Variants in ADAM11 observed in about 807,000 individuals in gnomAD.
ADAM11 encodes the protein disintegrin and metalloproteinase domain-containing protein 11.
Under a neutral mutation model 119.1 loss-of-function variants are expected in ADAM11, and 49 were observed. That is an observed-to-expected ratio of 0.41 (90% CI 0.33 to 0.52). ADAM11 has a LOEUF of 0.52. Among genes scored for constraint, ADAM11 ranks in the 20% least tolerant of loss-of-function variants. The pLI is 0.20. For synonymous variants in ADAM11, 364 were observed against 408.0 expected, an observed-to-expected ratio of 0.89 and a Z score of 1.30; for missense variants, 777 against 1,047.5, an observed-to-expected ratio of 0.74 and a Z score of 3.56.
chr17:44,776,334 C>T lies in ADAM11; in HGVS notation c.1566+127C>T. ...ACAGCTGGCATCGACCTCCACTGAT[C>T]AGACTGTTTTCTTATCTGAGAAAGG... On this transcript the variant is annotated intron_variant, in intron 18 of 26. Transcript: ENST00000200557. This position sits in a 1 kb window ranked among gnomAD's most constrained non-coding sequence, Gnocchi z 5.2. 1.0e-6 allele frequency: 1 copy of T among 956,272 alleles called. No homozygotes were observed. The highest frequency in any genetic ancestry group is 1.6e-6 in the Non-Finnish European group (1 of 625,812). 59.2% of individuals were successfully genotyped at this position (956,272 alleles called of 1,614,324 possible).
chr17:44,778,282 A>AG (rs754887830), intron 25 of ADAM11, 40 bp downstream of exon 25: 17 of 1,570,650 alleles, frequency 1.1e-5, no homozygotes, highest in Middle Eastern at 1.9e-4. Flanking sequence ...GGCATCCTTG[A>AG]GGGGGGATCA....
chr17:44,773,275 G>A lies in ADAM11; in HGVS notation c.840G>A (p.Gln280=), dbSNP rs756333782. The A allele has an allele frequency of 1.8e-5, 29 of 1,613,774 alleles. No homozygotes were observed. The highest frequency in any genetic ancestry group is 1.6e-4 in the Middle Eastern group (1 of 6,084). The change falls in exon 11 of 27, where the codon CAG becomes CAA. Residue 280 remains glutamine, a synonymous_variant. Transcript: ENST00000200557. The surrounding 1 kb of genome is among the most constrained non-coding windows in gnomAD (Gnocchi z 4.6). The part of the protein sequence containing the change: ...VNLADVIYKE[Q]LNTRIVLVAM... ...CTTCTCCCCAGATATACAAGGAGCA[G>A]CTCAACACTCGCATCGTCCTGGTTG...
In ADAM11 at chr17:44,769,700, T is replaced by G; in HGVS notation, c.238-18T>G. 1.5e-5 allele frequency: 20 copies of G among 1,358,830 alleles called. No homozygotes were observed. The highest frequency in any genetic ancestry group is 2.1e-5 in the Non-Finnish European group (20 of 947,924). 84.2% of individuals were successfully genotyped at this position (1,358,830 alleles called of 1,614,324 possible). ...GGCCTCCCTGGGTTGACTCCCCCTCTGCCCTCCCCCCACCCAGCCTGTCCA... is the reference window on the plus strand; with the variant it reads ...GGCCTCCCTGGGTTGACTCCCCCTCGGCCCTCCCCCCACCCAGCCTGTCCA... On this transcript the variant is annotated intron_variant, in intron 2 of 26. Transcript: ENST00000200557.
chr17:44,779,448 C>T lies in ADAM11; in HGVS notation c.2294+209C>T, dbSNP rs2049661139. The T allele has an allele frequency of 5.1e-6, 5 of 985,312 alleles. No homozygotes were observed. The African/African-American group carries it at 5.2e-5, about 10-fold the overall frequency. The allele number at this position is 985,312 out of a possible 1,614,324, so 61.0% of individuals were successfully genotyped here. On this transcript the variant is annotated intron_variant, in intron 26 of 26. Coordinates refer to ENST00000200557, the MANE Select transcript of ADAM11 (RefSeq NM_002390.6). Reference sequence around the variant, plus strand: ...CCAGCTGCCCTCGCCCTCGCCCGCTCAGGCCACGTCCTTCTCGACTGCCCT... The same window carrying T: ...CCAGCTGCCCTCGCCCTCGCCCGCTTAGGCCACGTCCTTCTCGACTGCCCT...
At position 44,769,701 on chromosome 17, in the gene ADAM11, G is replaced by GGGGGGCC; in HGVS notation, c.238-17_238-16insGGGGGCC. On this transcript the variant is annotated splice_polypyrimidine_tract_variant and intron_variant, in intron 2 of 26. Transcript: ENST00000200557. Reference sequence around the variant, plus strand: ...GCCTCCCTGGGTTGACTCCCCCTCTGCCCTCCCCCCACCCAGCCTGTCCAT... The same window carrying GGGGGGCC: ...GCCTCCCTGGGTTGACTCCCCCTCTGGGGGGCCCCCTCCCCCCACCCAGCCTGTCCAT... The GGGGGGCC allele has an allele frequency of 6.3e-7, 1 of 1,597,568 alleles. No individual in the cohort carries two copies. Among genetic ancestry groups the GGGGGGCC allele is most frequent in the Non-Finnish European group, 8.6e-7 (1 of 1,167,132 alleles).
rs190314178 is a variant in ADAM11, at chr17:44,776,730, C to A, written c.1567-15C>A. ...CCTGGGACTGCTCCGCTCAACCCCACCCCTCTCTCCACAGTGCCCGCCTAA... is the reference window on the plus strand; with the variant it reads ...CCTGGGACTGCTCCGCTCAACCCCAACCCTCTCTCCACAGTGCCCGCCTAA... On this transcript the variant is annotated splice_polypyrimidine_tract_variant and intron_variant, in intron 18 of 26. Transcript: ENST00000200557. This position sits in a 1 kb window ranked among gnomAD's most constrained non-coding sequence, Gnocchi z 5.2. 1 of 1,613,852 alleles carries A rather than the reference C, an allele frequency of 6.2e-7. No individual in the cohort carries two copies. The highest frequency in any genetic ancestry group is 8.5e-7 in the Non-Finnish European group (1 of 1,179,954).
chr17:44,765,456 C>T (rs1456865908), intron 2 of ADAM11, among the ~76,000 whole-genome samples: 1 of 152,132 alleles, frequency 6.6e-6, no homozygotes, highest in Non-Finnish European at 1.5e-5. Flanking sequence ...AGTAGGTGAT[C>T]CAAAGGAGTC....
At position 44,759,165 on chromosome 17, in the gene ADAM11, G is replaced by A. The variant is rs2145197980; in HGVS notation, c.-35G>A. 3.5e-6 allele frequency: 4 copies of A among 1,143,142 alleles called. No homozygotes were observed. Among genetic ancestry groups the A allele is most frequent in the African/African-American group, 3.4e-5 (2 of 59,072 alleles). The allele number at this position is 1,143,142 out of a possible 1,614,324, so 70.8% of individuals were successfully genotyped here. ...TCCCGCCCTCCCCGCGCCGCTGGCA[G>A]CCGCAGCCCCCGGACCGGGAGGAAT... On this transcript the variant is annotated 5_prime_UTR_variant, in exon 1 of 27. Transcript: ENST00000200557.
rs1314567880 is a variant in ADAM11 at position 44,761,151 on chromosome 17, C to T, written c.237+1254C>T. ...CTGGCTGTCTTGCCTGGTGTCACTC[C>T]CTACCTGTGAACTGTGCACCCCGTG... On this transcript the variant is annotated intron_variant, in intron 2 of 26. Coordinates refer to ENST00000200557, the MANE Select transcript of ADAM11 (RefSeq NM_002390.6). 2.7e-5 allele frequency among the ~76,000 whole-genome samples: 4 copies of T among 149,278 alleles called. No individual in the cohort carries two copies. The East Asian group carries it at 6.3e-4, about 23-fold the overall frequency.
chr17:44,773,125 C>G lies in ADAM11; in HGVS notation c.825+40C>G, dbSNP rs201078446. 285 of 1,421,542 alleles carry G rather than the reference C, an allele frequency of 2.0e-4. 2 individuals carry two copies. In the East Asian group the frequency reaches 3.0e-3, roughly 15 times the overall value. The allele number at this position is 1,421,542 out of a possible 1,614,324, so 88.1% of individuals were successfully genotyped here. A position where few individuals can be genotyped will look rare whatever the true frequency, so the allele number is the denominator to read the frequency against. ...CTCCCTCCCTTCCCTCCTCCTCATG[C>G]CCCCCACCCCACCACACACATTAGG... On this transcript the variant is annotated intron_variant, in intron 10 of 26. Transcript: ENST00000200557. This position sits in a 1 kb window ranked among gnomAD's most constrained non-coding sequence, Gnocchi z 4.6.
In ADAM11 at chr17:44,776,999, G is replaced by T. The variant is rs1223948985; in HGVS notation, c.1681+37G>T. ...TAGGGCTGGGAGTGGGGACTCCGGAGGACCCAGAGCTGAGAAGCTGGGGAG... is the reference window on the plus strand; with the variant it reads ...TAGGGCTGGGAGTGGGGACTCCGGATGACCCAGAGCTGAGAAGCTGGGGAG... On this transcript the variant is annotated intron_variant, in intron 20 of 26. Coordinates refer to ENST00000200557, the MANE Select transcript of ADAM11 (RefSeq NM_002390.6). This position sits in a 1 kb window ranked among gnomAD's most constrained non-coding sequence, Gnocchi z 5.2. 6.3e-7 allele frequency: 1 copy of T among 1,599,890 alleles called. No homozygotes were observed. The highest frequency in any genetic ancestry group is 1.1e-5 in the South Asian group (1 of 90,322).
intron 25 of ADAM11, 86 bp from the exon 26 acceptor site, chr17:44,779,136 C>T: frequency 9.8e-6 from 15 of 1,523,394 alleles, no homozygotes; most frequent in Non-Finnish European, 1.3e-5. Context: ...CAAGGGGTCG[C>T]ATGGCAGCCA....
chr17:44,778,063 A>C lies in ADAM11; in HGVS notation c.2182A>C (p.Lys728Gln). 6.2e-7 allele frequency: 1 copy of C among 1,612,818 alleles called. No homozygotes were observed. ...ACCCACGGGGGAGACGGAGAGATAT[A>C]AAGGTGAGGCTGGAGCTGGCCGAGG... is the stretch of plus-strand genomic sequence containing the variant. ...SPPTGETERYKGPSGTNIIIG... is the reference protein window; with the variant it reads ...SPPTGETERYQGPSGTNIIIG... Residue 728 changes from lysine (K) to glutamine (Q), a missense_variant, in exon 24 of 27, where the codon AAA (lysine) becomes CAA (glutamine). This residue lies in a region of ADAM11 where 348 missense variants were observed against 486.7 expected (regional missense o/e 0.72). Coordinates refer to ENST00000200557, the MANE Select transcript of ADAM11 (RefSeq NM_002390.6).
chr17:44,763,342 A>G (rs1349782028), intron 2 of ADAM11, among the ~76,000 whole-genome samples: 1 of 152,238 alleles, frequency 6.6e-6, no homozygotes, highest in Non-Finnish European at 1.5e-5. Context: ...ACTTGAGCAC[A>G]GAGTCAAGAC....
intron 14 of ADAM11, among the ~76,000 whole-genome samples, chr17:44,774,983 C>T (rs1471557565): frequency 1.3e-5 from 2 of 152,238 alleles, no homozygotes; most frequent in African/African-American, 2.4e-5. Context: ...GCCGCCCAAG[C>T]CTCGCATGGA....
At chr17:44,771,863 C>CT in intron 6 of ADAM11, 32 bp downstream of exon 6, 2 of 1,581,138 alleles carry the variant, frequency 1.3e-6, no homozygotes, top group Non-Finnish European at 1.7e-6. Context: ...GCCATCCTCT[C>CT]TGGTGGCCCT....
chr17:44,779,714 C>T (rs773098828), intron 26 of ADAM11, 25 bp from the exon 27 acceptor site: 5 of 1,588,930 alleles, frequency 3.1e-6, no homozygotes, highest in Admixed American at 2.0e-5. Flanking sequence ...TCACGTCCTC[C>T]CCTGATGCCC....
Position 44,771,851 on chromosome 17 carries a change from T to C in ADAM11, c.543+20T>C. ...CCTCAGGTAAGCCCCACACAACCCC[T>C]TGCCATCCTCTCTGGTGGCCCTGCC... is the stretch of plus-strand genomic sequence containing the variant. On this transcript the variant is annotated intron_variant, in intron 6 of 26. Coordinates refer to ENST00000200557, the MANE Select transcript of ADAM11 (RefSeq NM_002390.6). 6.3e-7 allele frequency: 1 copy of C among 1,591,106 alleles called. No individual in the cohort carries two copies. Among genetic ancestry groups the C allele is most frequent in the Non-Finnish European group, 8.6e-7 (1 of 1,164,684 alleles).
chr17:44,780,807 TA>T lies in ADAM11; in HGVS notation c.*1054del, dbSNP rs1302156552. 2 of 153,632 alleles carry T rather than the reference TA, an allele frequency of 1.3e-5. No individual in the cohort carries two copies. Among genetic ancestry groups the T allele is most frequent in the Non-Finnish European group, 2.9e-5 (2 of 68,870 alleles). 9.5% of individuals were successfully genotyped at this position (153,632 alleles called of 1,614,324 possible). On this transcript the variant is annotated 3_prime_UTR_variant, in exon 27 of 27. Transcript: ENST00000200557. ...GAAAGGGAGGTCTCATGGATGATCC[TA>T]GGCTGCTAGAAGTCCTTAAGGCCCC...
Sources: allele counts gnomAD v4.1 joint callset (sites outside exome capture counted in the v4.1 genomes callset), GRCh38; gene constraint gnomAD v4.1.1; regional missense constraint gnomAD v4.1.1; non-coding constraint Gnocchi (gnomAD v3.1); transcripts MANE v1.5; gene names NCBI Gene and HGNC (gene_info 2026-07-23, HGNC 2026-07-21).